PCDHGB4: variants seen among roughly 807,000 people sequenced by gnomAD.
The protein encoded by PCDHGB4 is protocadherin gamma-B4.
In PCDHGB4, 38 loss-of-function variants were observed where a neutral mutation model predicts 60.5. The observed-to-expected ratio is 0.63, with a 90% CI of 0.48 to 0.82. The LOEUF is 0.82. Ranked by LOEUF, PCDHGB4 falls within the 40% of genes least tolerant of loss-of-function variation. The pLI, the probability that PCDHGB4 is intolerant of heterozygous loss-of-function variation, is 0.00. For synonymous variants in PCDHGB4, 456 were observed against 509.7 expected (o/e 0.89, Z 1.42); for missense variants, 1,109 against 1,209.6 (o/e 0.92, Z 1.23).
rs775989253 is a variant in PCDHGB4 at position 141,491,769 on chromosome 5, G to A, written c.2398-3038G>A. On this transcript the variant is annotated intron_variant, in intron 1 of 3. Transcript: ENST00000519479. The surrounding 1 kb of genome is among the most constrained non-coding windows in gnomAD (Gnocchi z 6.9). ...CTGGAGAAGCCGCCCGTCCTCATAA[G>A]GGATTGAACTTGCATCCACTCCTCT... 6.4e-7 allele frequency: 1 copy of A among 1,562,376 alleles called. No homozygotes were observed. Among genetic ancestry groups the A allele is most frequent in the African/African-American group, 1.4e-5 (1 of 73,058 alleles).
chr5:141,399,427 G>A (rs1049477252), intron 1 of PCDHGB4: 2 of 1,613,842 alleles, frequency 1.2e-6, no homozygotes, highest in African/African-American at 2.7e-5. Context: ...CAGCATAAGC[G>A]TCATCCTACA....
intron 1 of PCDHGB4, among the ~76,000 whole-genome samples, chr5:141,488,139 T>A (rs906194527): frequency 6.6e-6 from 1 of 152,084 alleles, no homozygotes; most frequent in Non-Finnish European, 1.5e-5. Context: ...AGGAGAGAAC[T>A]AAAGGAATAG....
At chr5:141,497,479 G>A (rs1028715475) in intron 2 of PCDHGB4, among the ~76,000 whole-genome samples, 5 of 151,886 alleles carry the variant, frequency 3.3e-5, no homozygotes, top group Non-Finnish European at 7.4e-5. Flanking sequence ...GAGAAGGTGC[G>A]GAACCTCTCT....
intron 1 of PCDHGB4, chr5:141,422,162 A>T: frequency 6.4e-7 from 1 of 1,571,230 alleles, no homozygotes; most frequent in Non-Finnish European, 8.6e-7. Context: ...GATTTTGAAA[A>T]ATATAGATTC....
intron 2 of PCDHGB4, among the ~76,000 whole-genome samples, chr5:141,504,750 A>C (rs921495017): frequency 6.6e-6 from 1 of 151,894 alleles, no homozygotes; most frequent in Admixed American, 6.5e-5. Context: ...ATTGAATTTT[A>C]GAAATTTCTT....
At chr5:141,405,074 G>A (rs536930748) in intron 1 of PCDHGB4, 7 of 1,613,794 alleles carry the variant, frequency 4.3e-6, no homozygotes, top group Non-Finnish European at 5.1e-6. Context: ...CCTCACCTTC[G>A]TTATCACGCT....
chr5:141,453,318 AG>A (rs1299190594), intron 1 of PCDHGB4, among the ~76,000 whole-genome samples: 2 of 151,458 alleles, frequency 1.3e-5, no homozygotes, highest in Non-Finnish European at 2.9e-5. Context: ...TTTATTTTAG[AG>A]ATGGGGTCTC....
rs371964437 is a variant in PCDHGB4, at chr5:141,511,404, C to T, written c.*231C>T. On this transcript the variant is annotated 3_prime_UTR_variant, in exon 4 of 4. Coordinates refer to ENST00000519479, the MANE Select transcript of PCDHGB4 (RefSeq NM_003736.4). ...CCGCTGGGAACCCCCATCCAATCAA[C>T]TGCTGTACCCATGGGGGTAGTGGGG... The T allele has an allele frequency of 7.7e-5, 73 of 947,014 alleles. No individual in the cohort carries two copies. In the East Asian group the frequency reaches 1.8e-3, roughly 23 times the overall value. The allele number at this position is 947,014 out of a possible 1,614,324, so 58.7% of individuals were successfully genotyped here.
At chr5:141,414,245 T>A in intron 1 of PCDHGB4, 2 of 1,613,498 alleles carry the variant, frequency 1.2e-6, no homozygotes, top group Non-Finnish European at 1.7e-6. Context: ...ACGTCTCTAT[T>A]TAGTCCAGTG....
rs1410729947 is a variant in PCDHGB4 at position 141,493,256 on chromosome 5, T to TA, written c.2398-1550dup. 3.3e-5 allele frequency among the ~76,000 whole-genome samples: 5 copies of TA among 152,306 alleles called. No homozygotes were observed. The highest frequency in any genetic ancestry group is 1.2e-4 in the African/African-American group (5 of 41,570). ...TGGCTAGGTACTAACATGCCTCTCT[T>TA]ATAACAGCTTCACAGAGGTCAAGTG... On this transcript the variant is annotated intron_variant, in intron 1 of 3. Transcript: ENST00000519479. This position sits in a 1 kb window ranked among gnomAD's most constrained non-coding sequence, Gnocchi z 4.3.
intron 1 of PCDHGB4, among the ~76,000 whole-genome samples, chr5:141,405,659 G>A (rs867774573): frequency 2.0e-5 from 3 of 152,106 alleles, no homozygotes; most frequent in Non-Finnish European, 4.4e-5. Flanking sequence ...TGTGTTTTTA[G>A]TAGAGACGGG....
intron 1 of PCDHGB4, among the ~76,000 whole-genome samples, chr5:141,463,117 A>G (rs2099053039): frequency 6.6e-6 from 1 of 152,196 alleles, no homozygotes; most frequent in African/African-American, 2.4e-5. Context: ...TTCAGCTAAT[A>G]GCTCCCTGGC....
At chr5:141,479,328 G>C (rs568506786) in intron 1 of PCDHGB4, 3 of 152,536 alleles carry the variant, frequency 2.0e-5, no homozygotes, top group African/African-American at 7.2e-5. Context: ...CAGACTCAGT[G>C]GTGTGCACCT....
chr5:141,506,280 C>CT (rs1455257972), intron 3 of PCDHGB4, among the ~76,000 whole-genome samples: 1 of 152,024 alleles, frequency 6.6e-6, no homozygotes, highest in Non-Finnish European at 1.5e-5. Flanking sequence ...GAAACCCTGT[C>CT]TCTACTAAAA....
chr5:141,421,766 C>T, intron 1 of PCDHGB4: 2 of 1,613,868 alleles, frequency 1.2e-6, no homozygotes, highest in South Asian at 1.1e-5. Context: ...AATTACTTTT[C>T]CTTGCAACTG....
rs757797019 is a variant in PCDHGB4 at position 141,487,064 on chromosome 5, G to A, written c.2398-7743G>A. On this transcript the variant is annotated intron_variant, in intron 1 of 3. Transcript: ENST00000519479. The surrounding 1 kb of genome is among the most constrained non-coding windows in gnomAD (Gnocchi z 5.0). The stretch of plus-strand genomic sequence containing the variant: ...TCGATATGCTGGGGAGGTGCGGACG[G>A]CTGTTCCTATCCCAGCTGACCTCCC... 6.2e-6 allele frequency: 10 copies of A among 1,614,006 alleles called. No individual in the cohort carries two copies.
chr5:141,436,859 A>T (rs550974791), intron 1 of PCDHGB4, among the ~76,000 whole-genome samples: 1 of 152,250 alleles, frequency 6.6e-6, no homozygotes, highest in Non-Finnish European at 1.5e-5. Flanking sequence ...TTGAGAAGCC[A>T]CAGTTTTAGG....
At chr5:141,439,009 G>T (rs1474312524) in intron 1 of PCDHGB4, among the ~76,000 whole-genome samples, 1 of 151,594 alleles carries the variant, frequency 6.6e-6, no homozygotes, top group Non-Finnish European at 1.5e-5. Flanking sequence ...TGGTTTGTTT[G>T]TCAAATTTTG....
At chr5:141,447,283 G>T (rs1194678678) in intron 1 of PCDHGB4, among the ~76,000 whole-genome samples, 1 of 152,122 alleles carries the variant, frequency 6.6e-6, no homozygotes, top group East Asian at 1.9e-4. Context: ...GGGACTACAG[G>T]CACATGCCAC....
Sources: allele counts gnomAD v4.1 joint callset (sites outside exome capture counted in the v4.1 genomes callset), GRCh38; gene constraint gnomAD v4.1.1; non-coding constraint Gnocchi (gnomAD v3.1); transcripts MANE v1.5; gene names NCBI Gene and HGNC (gene_info 2026-07-23, HGNC 2026-07-21).